The following KPNA3 variants were observed in gnomAD, a reference collection of about 807,000 sequenced individuals.
KPNA3 encodes karyopherin subunit alpha 3.
A neutral mutation model predicts 73.8 loss-of-function variants in KPNA3; 13 were observed. The ratio of observed to expected loss-of-function variants is 0.18; its 90% confidence interval spans 0.11 to 0.28. The LOEUF (loss-of-function observed/expected upper bound fraction) is 0.28, where lower values mean the gene tolerates loss of function less well. KPNA3 is among the 10% of genes least tolerant of loss of function. The pLI is 1.00. For synonymous variants in KPNA3, 186 were observed against 206.9 expected (o/e 0.90, Z 0.87); for missense variants, 360 against 618.1 (o/e 0.58, Z 4.43).
At chr13:49,789,743 T>C (rs1454358017) in intron 1 of KPNA3, among the ~76,000 whole-genome samples, 1 of 152,074 alleles carries the variant, frequency 6.6e-6, no homozygotes, top group Non-Finnish European at 1.5e-5. Flanking sequence ...TTGACCCCAG[T>C]TTACCCTTTA....
intron 7 of KPNA3, 95 bp downstream of exon 7, chr13:49,725,319 TAA>T: frequency 1.8e-6 from 1 of 561,750 alleles, no homozygotes; most frequent in Non-Finnish European, 3.0e-6. Flanking sequence ...AGTCATCATT[TAA>T]AAAATGTTAC....
intron 6 of KPNA3, among the ~76,000 whole-genome samples, chr13:49,732,065 T>C (rs1481214044): frequency 6.6e-6 from 1 of 152,186 alleles, no homozygotes; most frequent in Non-Finnish European, 1.5e-5. Flanking sequence ...AAACATTATT[T>C]GGGTTGTTTT....
At chr13:49,750,866 C>T (rs1954656657) in intron 1 of KPNA3, among the ~76,000 whole-genome samples, 1 of 152,132 alleles carries the variant, frequency 6.6e-6, no homozygotes, top group South Asian at 2.1e-4. Flanking sequence ...GTGGCGCACG[C>T]CTGTAATCCC....
intron 1 of KPNA3, among the ~76,000 whole-genome samples, chr13:49,768,600 A>C (rs751368656): frequency 1.3e-5 from 1 of 79,580 alleles, no homozygotes; most frequent in Non-Finnish European, 2.3e-5. Flanking sequence ...TTTTTTTAGC[A>C]TTCCATTAGA....
At chr13:49,702,342 T>A (rs1174666572) in intron 16 of KPNA3, 44 bp downstream of exon 16, 1 of 1,017,200 alleles carries the variant, frequency 9.8e-7, no homozygotes, top group Non-Finnish European at 1.5e-6. Context: ...CATGTATAGG[T>A]TTTCATTTAC....
intron 1 of KPNA3, among the ~76,000 whole-genome samples, 187 bp downstream of exon 1, chr13:49,792,251 G>A (rs1269768284): frequency 6.6e-6 from 1 of 151,522 alleles, no homozygotes; most frequent in Non-Finnish European, 1.5e-5. Context: ...GCTCCGGGGG[G>A]TGACTGCAGC....
At chr13:49,741,808 C>T (rs1212611752) in intron 2 of KPNA3, among the ~76,000 whole-genome samples, 1 of 152,124 alleles carries the variant, frequency 6.6e-6, no homozygotes, top group Non-Finnish European at 1.5e-5. Context: ...TATATATAAC[C>T]CCTTATCAGA....
chr13:49,758,494 T>C (rs943782603), intron 1 of KPNA3, among the ~76,000 whole-genome samples: 6 of 152,156 alleles, frequency 3.9e-5, no homozygotes, highest in African/African-American at 1.4e-4. Flanking sequence ...GCAGCGCTGC[T>C]GGTGTTGTTA....
Position 49,701,758 on chromosome 13 carries a change from G to T in KPNA3, c.*42C>A. 1.7e-6 allele frequency: 2 copies of T among 1,181,362 alleles called. No homozygotes were observed. The highest frequency in any genetic ancestry group is 2.5e-6 in the Non-Finnish European group (2 of 785,768). 73.2% of individuals were successfully genotyped at this position (1,181,362 alleles called of 1,614,324 possible). A position where few individuals can be genotyped will look rare whatever the true frequency, so the allele number is the denominator to read the frequency against. On this transcript the variant is annotated 3_prime_UTR_variant, in exon 17 of 17. Coordinates refer to ENST00000261667, the MANE Select transcript of KPNA3 (RefSeq NM_002267.4). ...TATCATTTGGTAGCCATCTGGTGGTGCTTCATATTGAATGTGGGAAAGATG... is the reference window on the plus strand; with the variant it reads ...TATCATTTGGTAGCCATCTGGTGGTTCTTCATATTGAATGTGGGAAAGATG...
chr13:49,739,563 A>G (rs543543815), intron 2 of KPNA3, among the ~76,000 whole-genome samples: 6 of 152,338 alleles, frequency 3.9e-5, no homozygotes, highest in African/African-American at 1.4e-4. Context: ...AATTCACACG[A>G]AAGGAGTCAG....
rs1312865376 is a variant in KPNA3 at position 49,705,772 on chromosome 13, A to G, written c.1221T>C (p.Leu407=). The G allele has an allele frequency of 6.2e-7, 1 of 1,609,018 alleles. No homozygotes were observed. The highest frequency in any genetic ancestry group is 1.1e-5 in the South Asian group (1 of 90,008). The change falls in exon 15 of 17, where the codon CTT becomes CTC. Residue 407 remains leucine (L), a synonymous_variant. Coordinates refer to ENST00000261667, the MANE Select transcript of KPNA3 (RefSeq NM_002267.4). ...ACGGTGGTATTACATTCTGCTGTAC[A>G]AGGTACTCAACCTAGACAACAAAAG... The part of the protein sequence containing the change: ...ISGRKDQVEY[L]VQQNVIPPFC...
At chr13:49,770,068 A>T (rs1954840570) in intron 1 of KPNA3, among the ~76,000 whole-genome samples, 1 of 152,068 alleles carries the variant, frequency 6.6e-6, no homozygotes, top group African/African-American at 2.4e-5. Flanking sequence ...CCCCTTTTTA[A>T]ACTAGACTGT....
chr13:49,745,435 C>G (rs999374598), intron 2 of KPNA3, among the ~76,000 whole-genome samples: 1 of 133,780 alleles, frequency 7.5e-6, no homozygotes, highest in Non-Finnish European at 1.7e-5. Flanking sequence ...CCCTGGCTCA[C>G]TGCAGCCCCT....
intron 1 of KPNA3, among the ~76,000 whole-genome samples, chr13:49,788,280 C>T (rs1955001318): frequency 6.6e-6 from 1 of 152,140 alleles, no homozygotes; most frequent in Admixed American, 6.5e-5. Flanking sequence ...ATGAGTTGAC[C>T]TGGATTGCAG....
chr13:49,771,332 G>A (rs1954853894), intron 1 of KPNA3, among the ~76,000 whole-genome samples: 1 of 152,142 alleles, frequency 6.6e-6, no homozygotes, highest in Non-Finnish European at 1.5e-5. Flanking sequence ...TGAAGTTGTA[G>A]TTTTCAGCAT....
intron 11 of KPNA3, among the ~76,000 whole-genome samples, chr13:49,710,169 G>A (rs1305573933): frequency 2.6e-5 from 4 of 152,226 alleles, no homozygotes; most frequent in Non-Finnish European, 5.9e-5. Context: ...GGCTGAGGCA[G>A]GAGAATCACT....
rs905581515 is a variant in KPNA3, at chr13:49,706,189, T to C, written c.1138-20A>G. ...GTCCCCCTGAAGGTTAAAAATGAGA[T>C]CATAAAATGGACTCTTTATCCAAAA... On this transcript the variant is annotated intron_variant, in intron 13 of 16. Transcript: ENST00000261667. The C allele has an allele frequency of 1.2e-6, 2 of 1,612,858 alleles. No homozygotes were observed. Among genetic ancestry groups the C allele is most frequent in the African/African-American group, 2.7e-5 (2 of 74,952 alleles).
chr13:49,723,964 G>A (rs758431902), intron 7 of KPNA3, among the ~76,000 whole-genome samples: 4 of 151,936 alleles, frequency 2.6e-5, no homozygotes, highest in African/African-American at 4.8e-5. Context: ...TTCCCCAAGC[G>A]GCAGGCAACC....
rs372681802 is a variant in KPNA3, at chr13:49,706,077, G to C, written c.1209+21C>G. On this transcript the variant is annotated intron_variant, in intron 14 of 16. Transcript: ENST00000261667. ...CTTTCCAGTATTAACAATCATGACAGTTACAGGTTTTCAAACTCACCTGAT... is the reference window on the plus strand; with the variant it reads ...CTTTCCAGTATTAACAATCATGACACTTACAGGTTTTCAAACTCACCTGAT... 48 of 1,601,988 alleles carry C rather than the reference G, an allele frequency of 3.0e-5. No individual in the cohort carries two copies. In the African/African-American group the frequency reaches 6.2e-4, roughly 21 times the overall value.
Sources: gnomAD v4.1 joint callset for allele counts (sites outside exome capture counted in the v4.1 genomes callset) on GRCh38, gnomAD v4.1.1 for gene constraint, MANE v1.5 for transcripts, NCBI Gene and HGNC (gene_info 2026-07-23, HGNC 2026-07-21) for gene names.